FRMD4B: variants seen among roughly 807,000 people sequenced by gnomAD.
FRMD4B encodes the protein FERM domain containing 4B.
A neutral mutation model predicts 141.5 loss-of-function variants in FRMD4B; 74 were observed. That is an observed-to-expected ratio of 0.52 (90% CI 0.43 to 0.63). FRMD4B has a LOEUF of 0.63. FRMD4B is among the 30% of genes least tolerant of loss of function. The pLI is 0.00. For missense variants in FRMD4B, 1,366 were observed against 1,253.4 expected (o/e 1.09, Z -1.36); for synonymous variants, 506 against 467.9 (o/e 1.08, Z -1.05).
rs537635564 is a variant in FRMD4B at position 69,478,740 on chromosome 3, G to A, written c.-128-45979C>T. 5.8e-3 allele frequency among the ~76,000 whole-genome samples: 882 copies of A among 152,244 alleles called. 3 individuals are homozygous for A. Among genetic ancestry groups the A allele is most frequent in the Non-Finnish European group, 9.5e-3 (647 of 68,024 alleles). ...TTAGGTCTGCTTGGTGCAGAGCTGA[G>A]TTCAATTCCTGGGTATCCTTGTTAA... On this transcript the variant is annotated intron_variant, in intron 1 of 5. Coordinates refer to the FRMD4B transcript ENST00000459638.
chr3:69,468,147 C>A (rs890296234), intron 1 of FRMD4B, among the ~76,000 whole-genome samples: 1 of 147,368 alleles, frequency 6.8e-6, no homozygotes, highest in African/African-American at 2.4e-5. Context: ...TGGGTTATTT[C>A]TTTTTATTTA....
chr3:69,511,970 A>G (rs1392523955), intron 1 of FRMD4B, among the ~76,000 whole-genome samples: 2 of 152,212 alleles, frequency 1.3e-5, no homozygotes, highest in African/African-American at 4.8e-5. Flanking sequence ...AAATGAGATG[A>G]GTACAAGTAG....
intron 1 of FRMD4B, among the ~76,000 whole-genome samples, chr3:69,538,053 T>C (rs1057013316): frequency 2.0e-5 from 3 of 152,238 alleles, no homozygotes; most frequent in Non-Finnish European, 4.4e-5. Context: ...TTTGAAACTT[T>C]TTGTTCAACA....
At chr3:69,297,472 G>A (rs1228073216) in intron 4 of FRMD4B, among the ~76,000 whole-genome samples, 1 of 152,032 alleles carries the variant, frequency 6.6e-6, no homozygotes, top group East Asian at 1.9e-4. Context: ...GAAGAGGGAA[G>A]ACCAAATGAA....
chr3:69,256,482 G>A (rs2093493806), intron 5 of FRMD4B, among the ~76,000 whole-genome samples: 1 of 152,180 alleles, frequency 6.6e-6, no homozygotes, highest in Non-Finnish European at 1.5e-5. Flanking sequence ...ACCACACCCA[G>A]TTGATTTTCG....
chr3:69,414,666 G>A (rs1418701193), intron 2 of FRMD4B, among the ~76,000 whole-genome samples: 2 of 152,086 alleles, frequency 1.3e-5, no homozygotes, highest in Non-Finnish European at 2.9e-5. Context: ...ATTTCGAGGG[G>A]CTGCATTTCA....
At chr3:69,316,892 C>T (rs1701818600) in intron 1 of FRMD4B, among the ~76,000 whole-genome samples, 1 of 152,176 alleles carries the variant, frequency 6.6e-6, no homozygotes, top group African/African-American at 2.4e-5. Context: ...GAGGCCAAGG[C>T]TGGTGGATGA....
At chr3:69,226,448 A>G (rs899931659) in intron 7 of FRMD4B, among the ~76,000 whole-genome samples, 1 of 151,736 alleles carries the variant, frequency 6.6e-6, no homozygotes, top group Non-Finnish European at 1.5e-5. Context: ...TTCCAAACCT[A>G]AAACTGTCAG....
intron 11 of FRMD4B, among the ~76,000 whole-genome samples, chr3:69,205,681 G>C (rs2093017721): frequency 6.6e-6 from 1 of 152,180 alleles, no homozygotes; most frequent in Non-Finnish European, 1.5e-5. Context: ...CAGGGATGCT[G>C]CCAACATCTT....
At chr3:69,506,008 C>A (rs3947355) in intron 1 of FRMD4B, among the ~76,000 whole-genome samples, 43,464 of 152,028 alleles carry the variant, frequency 0.29, 6,418 homozygotes, top group African/African-American at 0.32. Flanking sequence ...ATCTTTCCAA[C>A]GCCTGAAAAA....
At chr3:69,381,276 A>C (rs867992355) in intron 1 of FRMD4B, among the ~76,000 whole-genome samples, 2 of 152,236 alleles carry the variant, frequency 1.3e-5, no homozygotes, top group African/African-American at 4.8e-5. Context: ...GTTCAATTCC[A>C]AAGAAATTAT....
At chr3:69,535,990 C>A (rs1701078753) in intron 1 of FRMD4B, 1 of 387,162 alleles carries the variant, frequency 2.6e-6, no homozygotes. Context: ...CGGGCCTTTG[C>A]CTTCCTACTA....
At chr3:69,411,356 C>T (rs1341080865) in intron 2 of FRMD4B, among the ~76,000 whole-genome samples, 2 of 152,122 alleles carry the variant, frequency 1.3e-5, no homozygotes, top group East Asian at 3.9e-4. Context: ...ACTCAACTCA[C>T]AAAAATACAA....
intron 1 of FRMD4B, among the ~76,000 whole-genome samples, chr3:69,461,383 A>AC (rs5849903): frequency 1.1e-3 from 163 of 150,914 alleles, no homozygotes; most frequent in Middle Eastern, 3.4e-3. Flanking sequence ...ACATAGTGAG[A>AC]CCCCCCCCAT....
rs1178805381 is a variant in FRMD4B, at chr3:69,196,340, T to C, written c.1149A>G (p.Thr383=). The C allele has an allele frequency of 1.2e-6, 2 of 1,611,514 alleles. No homozygotes were observed. The highest frequency in any genetic ancestry group is 1.3e-5 in the African/African-American group (1 of 74,862). Residue 383 remains threonine, a synonymous_variant, in exon 14 of 23, where the codon ACA becomes ACG. Transcript: ENST00000398540. ...LDEIAMDLTE[T]GTQRASKLVT... ...CCAGCTTGGAGGCCCTTTGTGTTCCTGTCTCTGTCAAATCCATTGCAATCT... is the reference window on the plus strand; with the variant it reads ...CCAGCTTGGAGGCCCTTTGTGTTCCCGTCTCTGTCAAATCCATTGCAATCT...
intron 1 of FRMD4B, among the ~76,000 whole-genome samples, chr3:69,365,650 T>G (rs79452385): frequency 0.22 from 33,178 of 151,732 alleles, 4,576 homozygotes; most frequent in African/African-American, 0.39. Flanking sequence ...ACATGCGCAC[T>G]TCACCACGCC....
chr3:69,198,883 CG>C, intron 11 of FRMD4B, 109 bp from the exon 12 acceptor site: 2 of 654,914 alleles, frequency 3.1e-6, no homozygotes, highest in Admixed American at 2.6e-5. Flanking sequence ...TACACTGATA[CG>C]ATGAAACATG....
chr3:69,487,136 A>G (rs1468731908), intron 1 of FRMD4B, among the ~76,000 whole-genome samples: 1 of 152,164 alleles, frequency 6.6e-6, no homozygotes, highest in African/African-American at 2.4e-5. Context: ...GCATGTACTG[A>G]ATCTCCACCA....
upstream of FRMD4B, among the ~76,000 whole-genome samples, chr3:69,389,017 T>C (rs573511360): frequency 1.3e-4 from 20 of 149,046 alleles, no homozygotes; most frequent in East Asian, 4.1e-4. Flanking sequence ...CCAGTCTCCA[T>C]TGTCTCTTAG....
Sources: gnomAD v4.1 joint callset for allele counts (sites outside exome capture counted in the v4.1 genomes callset) on GRCh38, gnomAD v4.1.1 for gene constraint, MANE v1.5 for transcripts, NCBI Gene and HGNC (gene_info 2026-07-23, HGNC 2026-07-21) for gene names.